The following DENND1B variants were observed in gnomAD, a reference collection of about 807,000 sequenced individuals.
The protein encoded by DENND1B is DENN domain-containing protein 1B.
In DENND1B, 59 loss-of-function variants were observed where a neutral mutation model predicts 90.1. That is an observed-to-expected ratio of 0.65 (90% CI 0.53 to 0.81). DENND1B has a LOEUF of 0.81. Ranked by LOEUF, DENND1B falls within the 40% of genes least tolerant of loss-of-function variation. The pLI is 0.00. For missense variants in DENND1B, 862 were observed against 912.6 expected (o/e 0.94, Z 0.71); for synonymous variants, 337 against 324.6 (o/e 1.04, Z -0.41).
chr1:197,726,946 A>G (rs1661692855), intron 2 of DENND1B, among the ~76,000 whole-genome samples: 1 of 152,254 alleles, frequency 6.6e-6, no homozygotes, highest in Admixed American at 6.5e-5. Flanking sequence ...ATTTCAGTTC[A>G]CAGGTCTCTG....
rs116536383 is a variant in DENND1B, at chr1:197,558,495, G to A, written c.1150-5383C>T. Among the ~76,000 whole-genome samples, 922 of 151,762 alleles carry A rather than the reference G, an allele frequency of 6.1e-3. 13 individuals are homozygous for A. Among genetic ancestry groups the A allele is most frequent in the African/African-American group, 0.021 (851 of 41,442 alleles). ...TTTTAGGAGCTATGAGCCAGGAACC[G>A]TGGACAAAAACAAATATACATGTTA... On this transcript the variant is annotated intron_variant, in intron 15 of 22. Transcript: ENST00000620048.
intron 15 of DENND1B, among the ~76,000 whole-genome samples, chr1:197,565,933 A>G (rs1009667372): frequency 4.0e-5 from 6 of 150,734 alleles, no homozygotes; most frequent in Admixed American, 3.3e-4. Context: ...TATTGTGAAT[A>G]GTGCCGCAAT....
At chr1:197,542,439 T>C (rs181340447) in intron 18 of DENND1B, among the ~76,000 whole-genome samples, 79 of 152,300 alleles carry the variant, frequency 5.2e-4, no homozygotes, top group African/African-American at 1.9e-3. Flanking sequence ...CAGAGCAAAG[T>C]GATAGGAAAA....
At chr1:197,692,365 T>C (rs1207517248) in intron 3 of DENND1B, among the ~76,000 whole-genome samples, 3 of 151,888 alleles carry the variant, frequency 2.0e-5, no homozygotes, top group Non-Finnish European at 4.4e-5. Context: ...TATTTCCTAT[T>C]AGTCAATGCC....
chr1:197,599,081 C>G (rs1427943028), intron 13 of DENND1B, among the ~76,000 whole-genome samples: 1 of 151,744 alleles, frequency 6.6e-6, no homozygotes, highest in Middle Eastern at 3.2e-3. Flanking sequence ...CCCACTTTTA[C>G]CCTCTTAGCA....
intron 2 of DENND1B, among the ~76,000 whole-genome samples, chr1:197,746,598 G>C (rs1481016138): frequency 5.3e-5 from 8 of 152,080 alleles, no homozygotes. Flanking sequence ...CTTAGAGAAA[G>C]ATTGAAAAGA....
intron 2 of DENND1B, among the ~76,000 whole-genome samples, chr1:197,770,832 CTATAAATATA>C (rs1367294612): frequency 1.7e-4 from 15 of 88,662 alleles, no homozygotes; most frequent in Admixed American, 2.4e-4. Flanking sequence ...AAATATATAT[CTATAAATATA>C]TATAAATATA....
intron 2 of DENND1B, among the ~76,000 whole-genome samples, chr1:197,762,211 C>T (rs1655144455): frequency 2.0e-5 from 3 of 151,962 alleles, no homozygotes; most frequent in Admixed American, 6.6e-5. Flanking sequence ...CAATAAAGAC[C>T]TAGCTCAAGA....
chr1:197,752,620 A>T (rs988450911), intron 2 of DENND1B, among the ~76,000 whole-genome samples: 2 of 151,868 alleles, frequency 1.3e-5, no homozygotes, highest in African/African-American at 2.4e-5. Context: ...CAAAATAGAA[A>T]TTTTTTTCAA....
chr1:197,578,538 C>T (rs541212893), intron 15 of DENND1B, among the ~76,000 whole-genome samples: 8 of 152,178 alleles, frequency 5.3e-5, no homozygotes, highest in Admixed American at 3.9e-4. Flanking sequence ...AGCCACTGTG[C>T]CCGGCCTAAA....
intron 13 of DENND1B, among the ~76,000 whole-genome samples, chr1:197,603,932 C>A (rs552828490): frequency 1.3e-3 from 196 of 151,228 alleles, no homozygotes; most frequent in African/African-American, 4.4e-3. Context: ...GGTTCTTTTT[C>A]TCACCCTTAT....
intron 2 of DENND1B, among the ~76,000 whole-genome samples, chr1:197,753,576 T>C (rs1653847025): frequency 6.6e-6 from 1 of 152,116 alleles, no homozygotes; most frequent in African/African-American, 2.4e-5. Flanking sequence ...TGTAGATTCA[T>C]TGCTTGTAAT....
intron 14 of DENND1B, among the ~76,000 whole-genome samples, chr1:197,584,742 G>C (rs958687134): frequency 4.6e-5 from 7 of 152,112 alleles, no homozygotes; most frequent in African/African-American, 1.7e-4. Flanking sequence ...TTCATTCATA[G>C]CTCACTGCAG....
At chr1:197,615,128 C>T (rs913656506) in intron 11 of DENND1B, among the ~76,000 whole-genome samples, 2 of 150,970 alleles carry the variant, frequency 1.3e-5, no homozygotes, top group African/African-American at 4.9e-5. Flanking sequence ...TTACACTGTG[C>T]TGTGTGTGTG....
intron 2 of DENND1B, among the ~76,000 whole-genome samples, chr1:197,762,479 C>G (rs886953572): frequency 6.6e-6 from 1 of 152,142 alleles, no homozygotes; most frequent in African/African-American, 2.4e-5. Context: ...TGATGAAATA[C>G]ATATAGATAG....
chr1:197,631,101 G>A (rs1245133219), intron 10 of DENND1B, among the ~76,000 whole-genome samples: 1 of 151,984 alleles, frequency 6.6e-6, no homozygotes, highest in African/African-American at 2.4e-5. Context: ...TCTTAGAGAA[G>A]GCCCTTCTAC....
intron 14 of DENND1B, among the ~76,000 whole-genome samples, chr1:197,584,343 C>A (rs1674506033): frequency 1.3e-5 from 2 of 152,024 alleles, no homozygotes; most frequent in Admixed American, 1.3e-4. Context: ...ATTCAGTAGA[C>A]ACTAATCACA....
chr1:197,631,061 A>C (rs748769112), intron 10 of DENND1B, among the ~76,000 whole-genome samples: 10 of 152,108 alleles, frequency 6.6e-5, no homozygotes, highest in Non-Finnish European at 1.5e-4. Context: ...TCTCACTCTC[A>C]GAAAGTCAAT....
At chr1:197,739,024 T>G (rs565804014) in intron 2 of DENND1B, among the ~76,000 whole-genome samples, 1 of 152,190 alleles carries the variant, frequency 6.6e-6, no homozygotes, top group African/African-American at 2.4e-5. Flanking sequence ...CTGCAGAAGG[T>G]TCACCACCAA....
Sources: gnomAD v4.1 joint callset for allele counts (sites outside exome capture counted in the v4.1 genomes callset) on GRCh38, gnomAD v4.1.1 for gene constraint, MANE v1.5 for transcripts, NCBI Gene and HGNC (gene_info 2026-07-23, HGNC 2026-07-21) for gene names.